PHF20: variants seen among roughly 807,000 people sequenced by gnomAD.
PHF20 encodes glioma-expressed antigen 2.
A neutral mutation model predicts 113.5 loss-of-function variants in PHF20; 23 were observed. The observed-to-expected ratio is 0.20, with a 90% CI of 0.15 to 0.29. PHF20 has a LOEUF of 0.29. PHF20 is among the 10% of genes least tolerant of loss of function. PHF20 has a pLI of 1.00. For synonymous variants in PHF20, 434 were observed against 457.3 expected (o/e 0.95, Z 0.65); for missense variants, 943 against 1,219.6 (o/e 0.77, Z 3.38).
At chr20:35,787,158 A>ATTTAT (rs2041436881) in intron 1 of PHF20, among the ~76,000 whole-genome samples, 2 of 143,836 alleles carry the variant, frequency 1.4e-5, no homozygotes, top group African/African-American at 5.2e-5. Context: ...TGCCTGGCTA[A>ATTTAT]TTATTTATTT....
intron 2 of PHF20, among the ~76,000 whole-genome samples, chr20:35,818,222 C>G (rs1288964589): frequency 1.3e-5 from 2 of 152,024 alleles, no homozygotes; most frequent in African/African-American, 4.8e-5. Context: ...TTGTAGTGAG[C>G]CGAAATTGCG....
intron 14 of PHF20, among the ~76,000 whole-genome samples, chr20:35,930,418 C>A (rs1014065744): frequency 1.1e-4 from 17 of 152,084 alleles, no homozygotes; most frequent in African/African-American, 4.1e-4. Context: ...GATAAGACGA[C>A]TTGAGGCACT....
chr20:35,803,551 C>G, intron 2 of PHF20, among the ~76,000 whole-genome samples: 1 of 151,670 alleles, frequency 6.6e-6, no homozygotes, highest in Admixed American at 6.6e-5. Context: ...TCTCCAACTC[C>G]TGACCTCAGA....
intron 13 of PHF20, among the ~76,000 whole-genome samples, chr20:35,921,987 T>A (rs1355049825): frequency 2.0e-5 from 3 of 152,230 alleles, no homozygotes; most frequent in Non-Finnish European, 2.9e-5. Context: ...GACTTTTCTA[T>A]AAGTAGCAAG....
At chr20:35,831,497 T>G (rs951710598) in intron 2 of PHF20, among the ~76,000 whole-genome samples, 12 of 152,184 alleles carry the variant, frequency 7.9e-5, no homozygotes, top group Non-Finnish European at 1.8e-4. Context: ...GGTCTCACTT[T>G]CTTGCCCAGG....
At chr20:35,823,885 G>A (rs530196644) in intron 2 of PHF20, among the ~76,000 whole-genome samples, 2 of 152,220 alleles carry the variant, frequency 1.3e-5, no homozygotes, top group Admixed American at 6.5e-5. Context: ...AGACTCACCC[G>A]TATTTTTGCA....
At chr20:35,876,942 TA>T (rs1473716311) in intron 9 of PHF20, among the ~76,000 whole-genome samples, 1 of 148,746 alleles carries the variant, frequency 6.7e-6, no homozygotes, top group African/African-American at 2.5e-5. Flanking sequence ...CCGTCTCTAC[TA>T]AAAATACAAA....
intron 2 of PHF20, among the ~76,000 whole-genome samples, chr20:35,826,440 A>C (rs931952627): frequency 1.3e-5 from 2 of 152,182 alleles, no homozygotes; most frequent in Admixed American, 6.6e-5. Context: ...GTGGAGTCTG[A>C]AATAACCAGG....
Position 35,950,256 on chromosome 20 carries a change from G to T in PHF20, c.*2629G>T, listed in dbSNP as rs903765973. The T allele has an allele frequency of 2.6e-5, 4 of 152,586 alleles. No individual in the cohort carries two copies. The highest frequency in any genetic ancestry group is 9.7e-5 in the African/African-American group (4 of 41,434). The allele number at this position is 152,586 out of a possible 1,614,324, so 9.5% of individuals were successfully genotyped here. A position where few individuals can be genotyped will look rare whatever the true frequency, so the allele number is the denominator to read the frequency against. ...ACTGTGGATACATATCTATGTTTAC[G>T]CGCTATTAGAACAGAAGGCGCTGTA... On this transcript the variant is annotated 3_prime_UTR_variant, in exon 18 of 18. Coordinates refer to ENST00000374012, the MANE Select transcript of PHF20 (RefSeq NM_016436.5).
chr20:35,781,718 G>T (rs2146830155), intron 1 of PHF20, among the ~76,000 whole-genome samples: 1 of 152,292 alleles, frequency 6.6e-6, no homozygotes, highest in Non-Finnish European at 1.5e-5. Flanking sequence ...GCTGAGGCAG[G>T]TAGATCACTT....
intron 2 of PHF20, among the ~76,000 whole-genome samples, chr20:35,823,635 A>C (rs1184782943): frequency 8.5e-6 from 1 of 117,124 alleles, no homozygotes; most frequent in East Asian, 2.4e-4. Context: ...CCTGTCTCAA[A>C]AAAAAAAAAA....
intron 13 of PHF20, among the ~76,000 whole-genome samples, chr20:35,919,447 C>T (rs560129425): frequency 6.0e-5 from 9 of 150,358 alleles, no homozygotes; most frequent in Non-Finnish European, 1.0e-4. Flanking sequence ...TCAAGCGATT[C>T]TCCTGCCTCA....
At chr20:35,925,113 T>C (rs1234784893) in intron 13 of PHF20, among the ~76,000 whole-genome samples, 31 of 152,206 alleles carry the variant, frequency 2.0e-4, no homozygotes, top group Admixed American at 2.0e-3. Flanking sequence ...TACAATTCTA[T>C]TTTAATTATT....
At chr20:35,868,445 CAAA>C (rs552672829) in intron 6 of PHF20, among the ~76,000 whole-genome samples, 3 of 132,546 alleles carry the variant, frequency 2.3e-5, no homozygotes, top group African/African-American at 8.4e-5. Context: ...ATTAAAAATA[CAAA>C]AAAAAAAAAA....
chr20:35,937,127 A>G (rs904440667), intron 15 of PHF20, among the ~76,000 whole-genome samples: 2 of 152,146 alleles, frequency 1.3e-5, no homozygotes, highest in African/African-American at 4.8e-5. Context: ...CTGATTGGCA[A>G]TTGGTTGAAA....
At chr20:35,895,210 G>A (rs1010304395) in intron 9 of PHF20, among the ~76,000 whole-genome samples, 11 of 152,050 alleles carry the variant, frequency 7.2e-5, no homozygotes, top group Non-Finnish European at 1.5e-4. Flanking sequence ...TTTTATTTGA[G>A]ACAAGGTTTT....
At chr20:35,825,071 T>A (rs1336953960) in intron 2 of PHF20, among the ~76,000 whole-genome samples, 2 of 152,226 alleles carry the variant, frequency 1.3e-5, no homozygotes, top group Non-Finnish European at 2.9e-5. Context: ...TATGGGTATA[T>A]ACCTAAGATG....
chr20:35,858,908 T>G (rs2054166498), intron 5 of PHF20, among the ~76,000 whole-genome samples: 1 of 152,172 alleles, frequency 6.6e-6, no homozygotes, highest in Non-Finnish European at 1.5e-5. Context: ...TTTTCAAAAG[T>G]GCCAAATGCT....
chr20:35,804,068 CGTTT>C lies in PHF20; in HGVS notation c.83+2476_83+2479del, dbSNP rs912924517. ...GTTTATCTAGTCCCCTACTAATGGA[CGTTT>C]GTTTGTTTGTTTATTTATTTATGAT... On this transcript the variant is annotated intron_variant, in intron 2 of 17. Coordinates refer to ENST00000374012, the MANE Select transcript of PHF20 (RefSeq NM_016436.5). Among the ~76,000 whole-genome samples, 6 of 151,614 alleles carry C rather than the reference CGTTT, an allele frequency of 4.0e-5. No homozygotes were observed. The East Asian group carries it at 5.8e-4, about 15-fold the overall frequency.
Sources: gnomAD v4.1 joint callset for allele counts (sites outside exome capture counted in the v4.1 genomes callset) on GRCh38, gnomAD v4.1.1 for gene constraint, MANE v1.5 for transcripts, NCBI Gene and HGNC (gene_info 2026-07-23, HGNC 2026-07-21) for gene names.